Variants in TTLL5 observed in about 807,000 individuals in gnomAD.
TTLL5 encodes tubulin tyrosine ligase like 5.
A neutral mutation model predicts 168.4 loss-of-function variants in TTLL5; 132 were observed. The observed-to-expected ratio is 0.78, with a 90% CI of 0.68 to 0.91. The LOEUF (loss-of-function observed/expected upper bound fraction) is 0.91, where lower values mean the gene tolerates loss of function less well. Ranked by LOEUF, TTLL5 falls within the 40% of genes least tolerant of loss-of-function variation. The probability of loss-of-function intolerance (pLI) is 0.00; values close to 1 mark genes in which losing one functional copy is unlikely to be tolerated. For synonymous variants in TTLL5, 546 were observed against 558.6 expected, an observed-to-expected ratio of 0.98 and a Z score of 0.32; for missense variants, 1,545 against 1,581.5, an observed-to-expected ratio of 0.98 and a Z score of 0.39.
intron 29 of TTLL5, among the ~76,000 whole-genome samples, chr14:75,867,949 C>G (rs1406503671): frequency 1.3e-5 from 2 of 152,168 alleles, no homozygotes; most frequent in Admixed American, 1.3e-4. Flanking sequence ...TTTCTTTCAG[C>G]TGAGTCGGGG....
intron 29 of TTLL5, among the ~76,000 whole-genome samples, chr14:75,865,169 C>T (rs1322600566): frequency 1.3e-5 from 2 of 151,914 alleles, no homozygotes; most frequent in Non-Finnish European, 2.9e-5. Flanking sequence ...GTAAAATTTT[C>T]TTCATTTAGA....
At chr14:75,731,668 C>T (rs965759312) in intron 12 of TTLL5, among the ~76,000 whole-genome samples, 3 of 152,124 alleles carry the variant, frequency 2.0e-5, no homozygotes, top group Non-Finnish European at 4.4e-5. Context: ...GCAAAGATAC[C>T]TTGTCACACC....
intron 15 of TTLL5, among the ~76,000 whole-genome samples, chr14:75,736,336 T>C (rs1888904926): frequency 6.6e-6 from 1 of 152,168 alleles, no homozygotes; most frequent in African/African-American, 2.4e-5. Flanking sequence ...GCTAGTCTCA[T>C]TTGGAGTAGT....
chr14:75,733,683 A>G (rs1344068009), intron 13 of TTLL5, among the ~76,000 whole-genome samples: 1 of 152,168 alleles, frequency 6.6e-6, no homozygotes, highest in Non-Finnish European at 1.5e-5. Flanking sequence ...GTTTTAATGA[A>G]GTGGTATTCT....
intron 31 of TTLL5, among the ~76,000 whole-genome samples, chr14:75,934,847 T>G (rs1027491678): frequency 8.5e-5 from 13 of 152,140 alleles, no homozygotes; most frequent in Non-Finnish European, 1.8e-4. Flanking sequence ...AGGGAGTAAA[T>G]GAGACTGGGT....
At chr14:75,764,953 A>G (rs760713510) in intron 19 of TTLL5, among the ~76,000 whole-genome samples, 181 bp downstream of exon 19, 8 of 152,188 alleles carry the variant, frequency 5.3e-5, no homozygotes, top group South Asian at 2.1e-4. Context: ...CTTCCACTCT[A>G]TAATATTTGT....
At chr14:75,849,511 C>T (rs539367250) in intron 28 of TTLL5, among the ~76,000 whole-genome samples, 1 of 152,088 alleles carries the variant, frequency 6.6e-6, no homozygotes, top group East Asian at 1.9e-4. Context: ...AGTTAGACGC[C>T]GAATATATAA....
At chr14:75,732,516 T>C in intron 13 of TTLL5, 97 bp downstream of exon 13, 1 of 1,050,598 alleles carries the variant, frequency 9.5e-7, no homozygotes, top group South Asian at 1.5e-5. Context: ...TAGAAGACTG[T>C]TTTTTTCCTA....
chr14:75,887,105 T>G, intron 30 of TTLL5: 1 of 1,127,826 alleles, frequency 8.9e-7, no homozygotes, highest in Non-Finnish European at 1.1e-6. Context: ...ACGACTGTTC[T>G]GTGTCAGCAC....
intron 28 of TTLL5, among the ~76,000 whole-genome samples, chr14:75,821,978 G>T (rs1416298559): frequency 1.3e-5 from 2 of 152,106 alleles, no homozygotes; most frequent in African/African-American, 2.4e-5. Context: ...CTACCCCCAG[G>T]TGACCTCTGG....
At chr14:75,785,586 T>G (rs1206745071) in intron 26 of TTLL5, among the ~76,000 whole-genome samples, 1 of 152,242 alleles carries the variant, frequency 6.6e-6, no homozygotes, top group Non-Finnish European at 1.5e-5. Flanking sequence ...CTTCTGCATG[T>G]GGATATTCAG....
intron 18 of TTLL5, among the ~76,000 whole-genome samples, chr14:75,754,574 G>A (rs1371600644): frequency 6.6e-6 from 1 of 152,134 alleles, no homozygotes; most frequent in East Asian, 1.9e-4. Flanking sequence ...CACTGCATTA[G>A]CCAAAATGAG....
intron 27 of TTLL5, among the ~76,000 whole-genome samples, chr14:75,807,579 G>C (rs1391165842): frequency 1.3e-5 from 2 of 152,176 alleles, no homozygotes; most frequent in Non-Finnish European, 2.9e-5. Flanking sequence ...TGAGGTGTAG[G>C]TACTTACTTT....
chr14:75,881,667 G>A (rs542303554), intron 29 of TTLL5, among the ~76,000 whole-genome samples: 11 of 152,126 alleles, frequency 7.2e-5, no homozygotes, highest in African/African-American at 2.7e-4. Context: ...CATGTTGTAG[G>A]TACAAATGGA....
At chr14:75,860,001 A>G (rs1204557507) in intron 28 of TTLL5, among the ~76,000 whole-genome samples, 2 of 152,210 alleles carry the variant, frequency 1.3e-5, no homozygotes. Context: ...TTGCAGTGTA[A>G]AAATGCCTGC....
intron 20 of TTLL5, among the ~76,000 whole-genome samples, chr14:75,770,179 GAAAAAAAAAAA>G (rs56876692): frequency 1.2e-5 from 1 of 85,030 alleles, no homozygotes; most frequent in Non-Finnish European, 2.1e-5. Flanking sequence ...ACTCTGTCTC[GAAAAAAAAAAA>G]AAAAAAAAGA....
intron 6 of TTLL5, among the ~76,000 whole-genome samples, chr14:75,695,267 A>G (rs1885755999): frequency 6.6e-6 from 1 of 152,210 alleles, no homozygotes; most frequent in Non-Finnish European, 1.5e-5. Flanking sequence ...TCGCGCTCCC[A>G]GGCCTATTAG....
intron 15 of TTLL5, among the ~76,000 whole-genome samples, chr14:75,741,734 A>C (rs973838543): frequency 6.6e-6 from 1 of 152,116 alleles, no homozygotes; most frequent in Non-Finnish European, 1.5e-5. Context: ...AACTAGAAGC[A>C]CAGACCTGAA....
At chr14:75,737,146 G>A (rs1200931507) in intron 15 of TTLL5, among the ~76,000 whole-genome samples, 1 of 152,178 alleles carries the variant, frequency 6.6e-6, no homozygotes, top group Non-Finnish European at 1.5e-5. Context: ...GCAACTCTTT[G>A]CAAACTCTAG....
Sources: gnomAD v4.1 joint callset for allele counts (sites outside exome capture counted in the v4.1 genomes callset) on GRCh38, gnomAD v4.1.1 for gene constraint, MANE v1.5 for transcripts, NCBI Gene and HGNC (gene_info 2026-07-23, HGNC 2026-07-21) for gene names.